The following LGSN variants were observed in gnomAD, a reference collection of about 807,000 sequenced individuals.
The protein encoded by LGSN is lengsin, lens protein with glutamine synthetase domain.
LGSN carries 21 observed loss-of-function variants against 19.5 expected under a neutral mutation model. The ratio of observed to expected loss-of-function variants is 1.07; its 90% CI spans 0.76 to 1.55. The LOEUF is 1.55. Among genes scored for constraint, LGSN ranks in the 40% most tolerant of loss-of-function variants. The pLI is 0.00. For synonymous variants in LGSN, 257 were observed against 215.6 expected, an observed-to-expected ratio of 1.19 and a Z score of -1.68; for missense variants, 673 against 608.5, an observed-to-expected ratio of 1.11 and a Z score of -1.12.
chr6:63,326,663 G>A, the LGSN span, among the ~76,000 whole-genome samples: 1 of 152,202 alleles, frequency 6.6e-6, no homozygotes, highest in African/African-American at 2.4e-5. Flanking sequence ...ACTGCTAGGG[G>A]ACCCAGTACA....
chr6:63,384,358 AG>A, the LGSN span, among the ~76,000 whole-genome samples: 1 of 152,204 alleles, frequency 6.6e-6, no homozygotes, highest in African/African-American at 2.4e-5. Context: ...ATGAGACATG[AG>A]GGGAGATGAT....
the LGSN span, among the ~76,000 whole-genome samples, chr6:63,426,009 A>T: frequency 6.6e-6 from 1 of 152,156 alleles, no homozygotes; most frequent in East Asian, 1.9e-4. Context: ...ACTGCAGGTA[A>T]ATCTAAAATT....
the LGSN span, among the ~76,000 whole-genome samples, chr6:63,460,373 A>G: frequency 5.9e-5 from 9 of 152,126 alleles, no homozygotes; most frequent in African/African-American, 1.9e-4. Context: ...TGAGTGAAAG[A>G]TAACTGTGCT....
chr6:63,422,605 G>A, the LGSN span, among the ~76,000 whole-genome samples: 12 of 152,080 alleles, frequency 7.9e-5, no homozygotes, highest in Non-Finnish European at 1.6e-4. Flanking sequence ...TTAGTAGACT[G>A]AGATAAGTTA....
chr6:63,474,344 CA>C, the LGSN span, among the ~76,000 whole-genome samples: 1 of 152,202 alleles, frequency 6.6e-6, no homozygotes, highest in African/African-American at 2.4e-5. Context: ...CGCAGTGGTT[CA>C]TGCCTGTAAT....
the LGSN span, among the ~76,000 whole-genome samples, chr6:63,384,071 C>T: frequency 2.6e-5 from 4 of 152,280 alleles, no homozygotes; most frequent in African/African-American, 7.2e-5. Flanking sequence ...TGCTTCTAAA[C>T]GTTTAGACCA....
chr6:63,511,071 A>G, the LGSN span, among the ~76,000 whole-genome samples: 44 of 152,234 alleles, frequency 2.9e-4, no homozygotes, highest in African/African-American at 1.0e-3. Context: ...TGCTATGCTC[A>G]TGGCACCTAT....
chr6:63,426,268 A>T, the LGSN span, among the ~76,000 whole-genome samples: 1 of 152,182 alleles, frequency 6.6e-6, no homozygotes, highest in Non-Finnish European at 1.5e-5. Context: ...TTCCCTTTGG[A>T]ATTCTGCAAT....
the LGSN span, among the ~76,000 whole-genome samples, chr6:63,387,313 C>T: frequency 1.3e-5 from 2 of 152,070 alleles, no homozygotes; most frequent in South Asian, 2.1e-4. Flanking sequence ...AAAAATGCAT[C>T]GGTACTGAAT....
At chr6:63,364,763 G>T in the LGSN span, among the ~76,000 whole-genome samples, 1 of 152,140 alleles carries the variant, frequency 6.6e-6, no homozygotes, top group South Asian at 2.1e-4. Flanking sequence ...AATCAAACTA[G>T]AACTCAGGAT....
chr6:63,297,228 T>G (rs1768007872), intron 1 of LGSN, among the ~76,000 whole-genome samples: 1 of 151,872 alleles, frequency 6.6e-6, no homozygotes, highest in South Asian at 2.1e-4. Context: ...TAATCCCAGC[T>G]GTTTGGGAGG....
chr6:63,334,747 G>A, the LGSN span, among the ~76,000 whole-genome samples: 1 of 152,222 alleles, frequency 6.6e-6, no homozygotes, highest in East Asian at 1.9e-4. Context: ...GCATGGTTCT[G>A]GTATAAAAAT....
At chr6:63,358,575 T>G in the LGSN span, among the ~76,000 whole-genome samples, 1 of 152,124 alleles carries the variant, frequency 6.6e-6, no homozygotes, top group East Asian at 1.9e-4. Flanking sequence ...TTCCTAGGTA[T>G]TTTATTCTCT....
At chr6:63,370,019 A>AAGAAGG in the LGSN span, among the ~76,000 whole-genome samples, 2 of 152,046 alleles carry the variant, frequency 1.3e-5, no homozygotes, top group Non-Finnish European at 2.9e-5. Flanking sequence ...GAAGAAGAAG[A>AAGAAGG]AGAAGGAGAA....
chr6:63,547,776 G>T, the LGSN span, among the ~76,000 whole-genome samples: 2 of 151,892 alleles, frequency 1.3e-5, no homozygotes, highest in Middle Eastern at 3.2e-3. Context: ...CTCCCAAAGT[G>T]CTGGGATTAC....
chr6:63,456,856 ATTG>A, the LGSN span, among the ~76,000 whole-genome samples: 5 of 152,226 alleles, frequency 3.3e-5, no homozygotes, highest in Non-Finnish European at 7.3e-5. Flanking sequence ...CTCCAAGCAC[ATTG>A]TTGCAGGCTT....
At chr6:63,473,647 T>C in the LGSN span, among the ~76,000 whole-genome samples, 11 of 151,956 alleles carry the variant, frequency 7.2e-5, no homozygotes, top group East Asian at 1.7e-3. Flanking sequence ...TATTCCTTCA[T>C]TGTTACGAAA....
At chr6:63,356,265 C>T in the LGSN span, among the ~76,000 whole-genome samples, 8 of 152,076 alleles carry the variant, frequency 5.3e-5, no homozygotes, top group African/African-American at 1.9e-4. Flanking sequence ...GCAGGCCAGG[C>T]ACAGTGGCTC....
the LGSN span, among the ~76,000 whole-genome samples, chr6:63,329,157 C>G: frequency 6.6e-6 from 1 of 152,118 alleles, no homozygotes; most frequent in Non-Finnish European, 1.5e-5. Flanking sequence ...TATTGAAGGA[C>G]CAGAGTGCCT....
Sources: gnomAD v4.1 joint callset for allele counts (sites outside exome capture counted in the v4.1 genomes callset) on GRCh38, gnomAD v4.1.1 for gene constraint, MANE v1.5 for transcripts, NCBI Gene and HGNC (gene_info 2026-07-23, HGNC 2026-07-21) for gene names.